Variants in HS3ST4 observed in about 807,000 individuals in gnomAD.
HS3ST4 encodes heparan sulfate-glucosamine 3-sulfotransferase 4.
HS3ST4 carries 17 observed loss-of-function variants against 29.2 expected under a neutral mutation model. The ratio of observed to expected loss-of-function variants is 0.58; its 90% confidence interval spans 0.40 to 0.87. The LOEUF (loss-of-function observed/expected upper bound fraction) is 0.87. HS3ST4 is among the 40% of genes least tolerant of loss of function. The pLI, the probability that HS3ST4 is intolerant of heterozygous loss-of-function variation, is 0.00. For missense variants in HS3ST4, 627 were observed against 634.5 expected (o/e 0.99, Z 0.13); for synonymous variants, 314 against 285.7 (o/e 1.10, Z -1.00).
At chr16:25,845,105 A>G (rs1967451566) in intron 1 of HS3ST4, among the ~76,000 whole-genome samples, 4 of 152,270 alleles carry the variant, frequency 2.6e-5, no homozygotes, top group Admixed American at 2.6e-4. Flanking sequence ...GCTGGGCTTA[A>G]TATCTAGGTG....
intron 1 of HS3ST4, among the ~76,000 whole-genome samples, chr16:26,084,915 G>T (rs2141785283): frequency 6.6e-6 from 1 of 152,188 alleles, no homozygotes; most frequent in Admixed American, 6.5e-5. Flanking sequence ...AGGCCCCTAA[G>T]GGTTGGAATT....
chr16:25,704,788 A>G (rs1966363498), intron 1 of HS3ST4, among the ~76,000 whole-genome samples: 1 of 151,758 alleles, frequency 6.6e-6, no homozygotes, highest in African/African-American at 2.4e-5. Flanking sequence ...CTGAGGCAGG[A>G]GAATCGCTTG....
intron 1 of HS3ST4, among the ~76,000 whole-genome samples, chr16:25,843,352 C>T (rs560168433): frequency 6.6e-6 from 1 of 152,232 alleles, no homozygotes; most frequent in Admixed American, 6.5e-5. Context: ...GTCTCAGGGA[C>T]GCTGCCCCTT....
At chr16:25,842,406 A>T (rs994936053) in intron 1 of HS3ST4, among the ~76,000 whole-genome samples, 1 of 152,206 alleles carries the variant, frequency 6.6e-6, no homozygotes, top group African/African-American at 2.4e-5. Flanking sequence ...AACTTCCCAC[A>T]GATTTCAGTG....
At chr16:25,830,014 G>A (rs372517902) in intron 1 of HS3ST4, among the ~76,000 whole-genome samples, 3 of 152,038 alleles carry the variant, frequency 2.0e-5, no homozygotes, top group East Asian at 1.9e-4. Context: ...AAGTAGAGAC[G>A]TGGTTTCGGC....
At chr16:25,970,789 T>C (rs1472998407) in intron 1 of HS3ST4, among the ~76,000 whole-genome samples, 1 of 152,142 alleles carries the variant, frequency 6.6e-6, no homozygotes. Context: ...TTTTCTTTCA[T>C]TTATTCATTC....
chr16:25,828,242 C>CTTTCTTTTTCTG (rs1371928058), intron 1 of HS3ST4, among the ~76,000 whole-genome samples: 35 of 75,030 alleles, frequency 4.7e-4, no homozygotes, highest in African/African-American at 1.2e-3. Flanking sequence ...TTCTTTCTTT[C>CTTTCTTTTTCTG]TCTTTCTTTC....
chr16:25,891,992 C>T (rs1968013233), intron 1 of HS3ST4, among the ~76,000 whole-genome samples: 2 of 152,250 alleles, frequency 1.3e-5, no homozygotes, highest in South Asian at 2.1e-4. Flanking sequence ...AGCAGGTACT[C>T]AGAACAGAGC....
chr16:25,844,565 G>GCA (rs748881125), intron 1 of HS3ST4, among the ~76,000 whole-genome samples: 1 of 151,976 alleles, frequency 6.6e-6, no homozygotes. Flanking sequence ...GAATCTTTGA[G>GCA]CACACACACA....
chr16:25,908,514 A>C (rs1052882712), intron 1 of HS3ST4, among the ~76,000 whole-genome samples: 1 of 152,154 alleles, frequency 6.6e-6, no homozygotes, highest in African/African-American at 2.4e-5. Flanking sequence ...CCTTACAAAC[A>C]AGGCATCTCA....
At chr16:25,892,224 C>T (rs369573420) in intron 1 of HS3ST4, among the ~76,000 whole-genome samples, 69 of 152,226 alleles carry the variant, frequency 4.5e-4, no homozygotes, top group African/African-American at 1.5e-3. Context: ...GAGCTGATCC[C>T]AGAGAGAGGG....
intron 1 of HS3ST4, among the ~76,000 whole-genome samples, chr16:26,116,022 G>C (rs574498196): frequency 1.4e-4 from 22 of 152,296 alleles, no homozygotes; most frequent in African/African-American, 5.1e-4. Flanking sequence ...CAGTTTCTAT[G>C]GTTCCTCTGC....
intron 1 of HS3ST4, 142 bp downstream of exon 1, chr16:25,693,293 C>CGTTT: frequency 5.5e-6 from 5 of 908,640 alleles, no homozygotes; most frequent in Non-Finnish European, 8.0e-6. Context: ...ACCCTGGCGG[C>CGTTT]GTTGCTCAGG....
intron 1 of HS3ST4, among the ~76,000 whole-genome samples, chr16:26,024,957 G>A (rs912841322): frequency 1.3e-5 from 2 of 152,026 alleles, no homozygotes; most frequent in South Asian, 2.1e-4. Flanking sequence ...TGTGGAATAT[G>A]ACTTATCTTT....
chr16:26,103,338 T>A (rs1275139119), intron 1 of HS3ST4, among the ~76,000 whole-genome samples: 1 of 152,156 alleles, frequency 6.6e-6, no homozygotes, highest in African/African-American at 2.4e-5. Flanking sequence ...TAGTGTCTGA[T>A]GCGAACACAG....
At chr16:25,989,179 C>T (rs1969092382) in intron 1 of HS3ST4, among the ~76,000 whole-genome samples, 1 of 152,184 alleles carries the variant, frequency 6.6e-6, no homozygotes, top group Non-Finnish European at 1.5e-5. Context: ...GCCAAAACTC[C>T]GTGATTGGTG....
chr16:26,015,508 T>C (rs1325105175), intron 1 of HS3ST4, among the ~76,000 whole-genome samples: 1 of 152,140 alleles, frequency 6.6e-6, no homozygotes, highest in Non-Finnish European at 1.5e-5. Context: ...TTTATTGGAG[T>C]CAATAACTTA....
At chr16:25,734,502 A>G (rs564860593) in intron 1 of HS3ST4, among the ~76,000 whole-genome samples, 1 of 152,314 alleles carries the variant, frequency 6.6e-6, no homozygotes, top group Admixed American at 6.5e-5. Flanking sequence ...GTTGTCTACC[A>G]TAAATCATTC....
chr16:25,851,903 A>G (rs1390931819), intron 1 of HS3ST4, among the ~76,000 whole-genome samples: 2 of 152,198 alleles, frequency 1.3e-5, no homozygotes, highest in Non-Finnish European at 2.9e-5. Flanking sequence ...CTGCCATGCT[A>G]TGATAACAAT....
Sources: allele counts gnomAD v4.1 joint callset (sites outside exome capture counted in the v4.1 genomes callset), GRCh38; gene constraint gnomAD v4.1.1; transcripts MANE v1.5; gene names NCBI Gene and HGNC (gene_info 2026-07-23, HGNC 2026-07-21).